IFT74: variants seen among roughly 807,000 people sequenced by gnomAD.
IFT74 encodes the protein intraflagellar transport 74, also known as intraflagellar transport protein 74 homolog.
Under a neutral mutation model 96.7 loss-of-function variants are expected in IFT74, and 92 were observed. The ratio of observed to expected loss-of-function variants is 0.95; its 90% CI spans 0.80 to 1.13. The LOEUF is 1.13. Ranked by LOEUF, IFT74 falls within the 50% of genes most tolerant of loss-of-function variation. IFT74 has a pLI of 0.00. For missense variants in IFT74, 811 were observed against 698.2 expected (o/e 1.16, Z -1.82); for synonymous variants, 223 against 213.2 (o/e 1.05, Z -0.40).
chr9:26,950,407 C>T (rs1825896884), intron 1 of IFT74, among the ~76,000 whole-genome samples: 2 of 152,114 alleles, frequency 1.3e-5, no homozygotes, highest in South Asian at 4.2e-4. Context: ...AAGCCTCTAC[C>T]ATAATTCTAA....
intron 8 of IFT74, among the ~76,000 whole-genome samples, chr9:26,997,330 CTTTTTTTTTTTT>C (rs773530183): frequency 8.1e-6 from 1 of 123,604 alleles, no homozygotes; most frequent in Admixed American, 9.0e-5. Context: ...GTTTCCTTTC[CTTTTTTTTTTTT>C]TTTTTTTTTG....
In IFT74 at chr9:27,023,815, C is replaced by A. The variant is rs142531032; in HGVS notation, c.974+5128C>A. Among the ~76,000 whole-genome samples the A allele has an allele frequency of 6.9e-3, 1,058 of 152,306 alleles. 6 individuals are homozygous for A. The highest frequency in any genetic ancestry group is 0.012 in the Non-Finnish European group (847 of 68,030). On this transcript the variant is annotated intron_variant, in intron 12 of 19. Coordinates refer to ENST00000380062, the MANE Select transcript of IFT74 (RefSeq NM_025103.4). The stretch of plus-strand genomic sequence containing the variant: ...TTCCATCACCCACATTGGCCATAGC[C>A]AGCCCCATACAAGAGGAGTCTGAGC...
chr9:26,959,352 G>A (rs1023848333), intron 1 of IFT74, among the ~76,000 whole-genome samples: 1 of 152,068 alleles, frequency 6.6e-6, no homozygotes, highest in African/African-American at 2.4e-5. Context: ...TTCGTGATCC[G>A]CCCGCCTCGG....
chr9:27,011,323 A>G (rs1381090167), intron 9 of IFT74, among the ~76,000 whole-genome samples: 4 of 152,238 alleles, frequency 2.6e-5, no homozygotes, highest in Non-Finnish European at 4.4e-5. Context: ...TGTATGGGAT[A>G]ATGAATGAGT....
intron 3 of IFT74, 62 bp from the exon 4 acceptor site, chr9:26,980,509 T>C (rs1490737747): frequency 4.1e-6 from 4 of 970,440 alleles, no homozygotes; most frequent in South Asian, 1.3e-5. Context: ...GATTGTGCTT[T>C]GGATTTGCTA....
chr9:27,026,223 A>G, intron 12 of IFT74, among the ~76,000 whole-genome samples: 1 of 152,222 alleles, frequency 6.6e-6, no homozygotes, highest in Non-Finnish European at 1.5e-5. Context: ...ACAACAATTG[A>G]AAAAGACAAA....
At chr9:26,989,954 T>C (rs541851464) in intron 7 of IFT74, among the ~76,000 whole-genome samples, 180 bp from the exon 8 acceptor site, 1 of 152,288 alleles carries the variant, frequency 6.6e-6, no homozygotes, top group South Asian at 2.1e-4. Context: ...AAAAGACTTT[T>C]TAAAAATCTG....
At chr9:26,985,083 A>C (rs1827578501) in intron 6 of IFT74, among the ~76,000 whole-genome samples, 1 of 152,262 alleles carries the variant, frequency 6.6e-6, no homozygotes, top group Non-Finnish European at 1.5e-5. Flanking sequence ...AGATTGGTTA[A>C]AGAAAATGTG....
chr9:27,003,869 A>G (rs972119320), intron 8 of IFT74, among the ~76,000 whole-genome samples: 4 of 152,228 alleles, frequency 2.6e-5, no homozygotes, highest in African/African-American at 9.6e-5. Context: ...ATCATTTACA[A>G]AAGGTAGTTT....
At chr9:27,028,985 T>G in intron 12 of IFT74, 40 bp from the exon 13 acceptor site, 1 of 1,515,322 alleles carries the variant, frequency 6.6e-7, no homozygotes, top group Non-Finnish European at 9.0e-7. Context: ...ATTGAATGTC[T>G]ATATTTCCTT....
At chr9:26,960,844 A>C (rs1457980875) in intron 1 of IFT74, among the ~76,000 whole-genome samples, 1 of 151,954 alleles carries the variant, frequency 6.6e-6, no homozygotes, top group Non-Finnish European at 1.5e-5. Flanking sequence ...AAATGGAGTT[A>C]AGATCATTGC....
intron 19 of IFT74, among the ~76,000 whole-genome samples, chr9:27,062,241 A>C (rs1820459134): frequency 6.6e-6 from 1 of 152,210 alleles, no homozygotes; most frequent in Admixed American, 6.5e-5. Flanking sequence ...AGCAGAGCGA[A>C]GTCTAGAAAT....
chr9:27,044,512 T>C (rs190250782), intron 13 of IFT74, among the ~76,000 whole-genome samples: 1 of 152,346 alleles, frequency 6.6e-6, no homozygotes, highest in Admixed American at 6.5e-5. Context: ...AGGTTGGGAA[T>C]GGAAAGCCTT....
chr9:26,951,515 G>C (rs900257564), upstream of IFT74, among the ~76,000 whole-genome samples: 23 of 152,200 alleles, frequency 1.5e-4, no homozygotes, highest in African/African-American at 5.1e-4. Context: ...TACATGTACA[G>C]ATCTTAGAAA....
intron 8 of IFT74, among the ~76,000 whole-genome samples, chr9:27,002,745 T>C (rs1367540793): frequency 6.6e-6 from 1 of 152,242 alleles, no homozygotes; most frequent in Non-Finnish European, 1.5e-5. Flanking sequence ...TTTGTTCCTT[T>C]TTGCTGAGGG....
intron 8 of IFT74, among the ~76,000 whole-genome samples, chr9:26,998,565 T>C (rs1828297906): frequency 6.6e-6 from 1 of 152,200 alleles, no homozygotes; most frequent in Admixed American, 6.5e-5. Flanking sequence ...GTATGGTAAA[T>C]AATAATTCTG....
At position 27,048,195 on chromosome 9, in the gene IFT74, A is replaced by G. The variant is rs1261139397; in HGVS notation, c.1254A>G (p.Leu418=). ...TATCCTCTATCACCAATCAAGAGCT[A>G]AAGATGATGCAGGATGACCTCAATT... ...EQISSITNQE[L]KMMQDDLNFK... The change falls in exon 16 of 20, where the codon CTA becomes CTG. Residue 418 remains leucine (L), a synonymous_variant. Transcript: ENST00000380062. The G allele has an allele frequency of 1.2e-6, 2 of 1,602,038 alleles. No homozygotes were observed. Among genetic ancestry groups the G allele is most frequent in the African/African-American group, 1.3e-5 (1 of 74,678 alleles).
At chr9:27,044,697 A>AT (rs1301745745) in intron 13 of IFT74, 45 bp from the exon 14 acceptor site, 1 of 1,096,854 alleles carries the variant, frequency 9.1e-7, no homozygotes, top group South Asian at 1.3e-5. Flanking sequence ...AGAGCCCTGT[A>AT]TGTGCAATTT....
At position 27,057,743 on chromosome 9, in the gene IFT74, A is replaced by C. The variant is rs10967686; in HGVS notation, c.1623+1284A>C. 8.2e-3 allele frequency among the ~76,000 whole-genome samples: 1,241 copies of C among 152,204 alleles called. 16 individuals are homozygous for C. The highest frequency in any genetic ancestry group is 0.027 in the African/African-American group (1,139 of 41,546). On this transcript the variant is annotated intron_variant, in intron 18 of 19. Coordinates refer to ENST00000380062, the MANE Select transcript of IFT74 (RefSeq NM_025103.4). The stretch of plus-strand genomic sequence containing the variant: ...AGTGGTGGCGGGTGCCTGTAGTCCC[A>C]GCTACTCGGGAGGCTGAGGCAGGAG...
Sources: gnomAD v4.1 joint callset for allele counts (sites outside exome capture counted in the v4.1 genomes callset) on GRCh38, gnomAD v4.1.1 for gene constraint, MANE v1.5 for transcripts, NCBI Gene and HGNC (gene_info 2026-07-23, HGNC 2026-07-21) for gene names.